Variants in RNMT observed in about 807,000 individuals in gnomAD.
RNMT encodes RNA guanine-7 methyltransferase.
In RNMT, 27 loss-of-function variants were observed where a neutral mutation model predicts 56.0. That is an observed-to-expected ratio of 0.48 (90% CI 0.36 to 0.67). The LOEUF is 0.67. Ranked by LOEUF, RNMT falls within the 30% of genes least tolerant of loss-of-function variation. RNMT has a pLI of 0.00. For missense variants in RNMT, 519 were observed against 552.1 expected (o/e 0.94, Z 0.60); for synonymous variants, 184 against 176.2 (o/e 1.04, Z -0.35).
Position 13,761,023 on chromosome 18 carries a change from G to C in RNMT, c.*1044G>C, listed in dbSNP as rs938922591. 3.5e-5 allele frequency: 34 copies of C among 985,224 alleles called. No individual in the cohort carries two copies. In the Admixed American group the frequency reaches 1.9e-3, roughly 55 times the overall value. 61.0% of individuals were successfully genotyped at this position (985,224 alleles called of 1,614,324 possible). A position where few individuals can be genotyped will look rare whatever the true frequency, so the allele number is the denominator to read the frequency against. On this transcript the variant is annotated 3_prime_UTR_variant, in exon 12 of 12. Coordinates refer to ENST00000383314, the MANE Select transcript of RNMT (RefSeq NM_003799.3). ...ACCAGTTTTTAGATGTAGATGTAGT[G>C]AAAAACTTCAAGAATGAAGCAGAGC...
chr18:13,755,852 G>T (rs1287020499), intron 11 of RNMT, among the ~76,000 whole-genome samples: 1 of 152,172 alleles, frequency 6.6e-6, no homozygotes, highest in African/African-American at 2.4e-5. Context: ...CTGTGGCTTA[G>T]AACTGTATTT....
chr18:13,727,248 C>A (rs1371852312), intron 1 of RNMT, among the ~76,000 whole-genome samples: 2 of 152,192 alleles, frequency 1.3e-5, no homozygotes, highest in Non-Finnish European at 2.9e-5. Context: ...CTCGCTCGTA[C>A]CCTGAGGAGC....
At chr18:13,754,773 A>G (rs1178193496) in intron 11 of RNMT, among the ~76,000 whole-genome samples, 1 of 152,236 alleles carries the variant, frequency 6.6e-6, no homozygotes, top group Non-Finnish European at 1.5e-5. Context: ...TTTGGCTTAT[A>G]GAATACTTGC....
chr18:13,738,833 G>A (rs771875636), intron 5 of RNMT, among the ~76,000 whole-genome samples: 2 of 152,102 alleles, frequency 1.3e-5, no homozygotes, highest in African/African-American at 2.4e-5. Flanking sequence ...TTAAATTAGC[G>A]ATCCCTAACC....
Position 13,762,590 on chromosome 18 carries a change from C to T in RNMT, c.*2611C>T. On this transcript the variant is annotated 3_prime_UTR_variant, in exon 12 of 12. Transcript: ENST00000383314. ...AAATGACTGAAAGGTAGATTGCCAGCACAGTGAGTTTCCCAGCCTGCTCCC... is the reference window on the plus strand; with the variant it reads ...AAATGACTGAAAGGTAGATTGCCAGTACAGTGAGTTTCCCAGCCTGCTCCC... The T allele has an allele frequency of 5.1e-6, 1 of 194,720 alleles. No individual in the cohort carries two copies. The highest frequency in any genetic ancestry group is 1.1e-5 in the Non-Finnish European group (1 of 93,888). 12.1% of individuals were successfully genotyped at this position (194,720 alleles called of 1,614,324 possible). A position where few individuals can be genotyped will look rare whatever the true frequency, so the allele number is the denominator to read the frequency against.
Position 13,761,864 on chromosome 18 carries a change from A to G in RNMT, c.*1885A>G, listed in dbSNP as rs1197917160. 5.7e-6 allele frequency: 5 copies of G among 872,892 alleles called. No individual in the cohort carries two copies. The highest frequency in any genetic ancestry group is 2.0e-5 in the African/African-American group (1 of 49,162). The allele number at this position is 872,892 out of a possible 1,614,324, so 54.1% of individuals were successfully genotyped here. A position where few individuals can be genotyped will look rare whatever the true frequency, so the allele number is the denominator to read the frequency against. ...CTACACCCCCCTCCCCCCGGCCCCA[A>G]GCCCCTGTGTCTCCTTGTTACAATT... On this transcript the variant is annotated 3_prime_UTR_variant, in exon 12 of 12. Transcript: ENST00000383314.
In RNMT at chr18:13,762,305, A is replaced by G. The variant is rs2044630576; in HGVS notation, c.*2326A>G. On this transcript the variant is annotated 3_prime_UTR_variant, in exon 12 of 12. Coordinates refer to ENST00000383314, the MANE Select transcript of RNMT (RefSeq NM_003799.3). ...ATTCTTTGGGCCTAGAATATACTTG[A>G]GAAAGCACTAGTGGCTTGTGTTCAG... The G allele has an allele frequency of 5.4e-6, 5 of 934,536 alleles. No homozygotes were observed. The highest frequency in any genetic ancestry group is 7.8e-6 in the Non-Finnish European group (5 of 643,240). The allele number at this position is 934,536 out of a possible 1,614,324, so 57.9% of individuals were successfully genotyped here. A position where few individuals can be genotyped will look rare whatever the true frequency, so the allele number is the denominator to read the frequency against.
intron 1 of RNMT, among the ~76,000 whole-genome samples, chr18:13,728,884 C>T (rs1243402772): frequency 8.6e-5 from 13 of 151,978 alleles, no homozygotes; most frequent in Non-Finnish European, 1.5e-4. Context: ...TTGTGAATCC[C>T]GTCAGATGAA....
intron 6 of RNMT, 142 bp downstream of exon 6, chr18:13,740,421 G>C (rs1401457216): frequency 3.5e-6 from 2 of 576,736 alleles, no homozygotes; most frequent in Non-Finnish European, 6.1e-6. Context: ...TGTCACCTAG[G>C]CTGGAGCACA....
At chr18:13,755,137 GGTAAA>G (rs1464609557) in intron 11 of RNMT, among the ~76,000 whole-genome samples, 19 of 152,134 alleles carry the variant, frequency 1.2e-4, no homozygotes, top group African/African-American at 9.7e-5. Flanking sequence ...TTCTGTGAAA[GGTAAA>G]GTAAAATAAA....
At chr18:13,728,363 CCTTGCTCTGTCGCCCAGGCCGGAGT>C (rs1311126555) in intron 1 of RNMT, among the ~76,000 whole-genome samples, 5 of 118,822 alleles carry the variant, frequency 4.2e-5, no homozygotes, top group African/African-American at 1.7e-4. Flanking sequence ...TGTGACGGAG[CCTTGCTCTGTCGCCCAGGCCGGAGT>C]GCAGTGGCTT....
intron 10 of RNMT, among the ~76,000 whole-genome samples, chr18:13,752,876 C>T (rs1158188335): frequency 1.3e-5 from 2 of 152,208 alleles, no homozygotes; most frequent in African/African-American, 2.4e-5. Context: ...GTAGAAGTTA[C>T]AGATATTTTC....
intron 11 of RNMT, among the ~76,000 whole-genome samples, chr18:13,754,888 A>G (rs761946381): frequency 1.2e-4 from 18 of 152,200 alleles, no homozygotes; most frequent in Admixed American, 3.3e-4. Flanking sequence ...GGTGTGCATG[A>G]TAGGGGACAA....
rs533284511 is a variant in RNMT at position 13,752,360 on chromosome 18, C to T, written c.1292C>T (p.Ser431Phe). 5.1e-5 allele frequency: 83 copies of T among 1,613,092 alleles called. 1 individual carries two copies. The South Asian group carries it at 8.7e-4, about 17-fold the overall frequency. Residue 431 changes from serine to phenylalanine, a missense_variant, in exon 10 of 12, where the codon TCT becomes TTT. Physicochemically the swap from Ser to Phe is radical, Grantham distance 155. Coordinates refer to ENST00000383314, the MANE Select transcript of RNMT (RefSeq NM_003799.3). ...GCAAATGAGAGTTCTAAACTTGTCTCTGAGAAGGTGGATGACTATGAACAT... is the reference window on the plus strand; with the variant it reads ...GCAAATGAGAGTTCTAAACTTGTCTTTGAGAAGGTGGATGACTATGAACAT... The part of the protein sequence containing the change: ...YPANESSKLV[S>F]EKVDDYEHAA...
chr18:13,735,697 A>G (rs941284723), intron 4 of RNMT, among the ~76,000 whole-genome samples: 2 of 152,048 alleles, frequency 1.3e-5, no homozygotes, highest in Non-Finnish European at 2.9e-5. Context: ...TTTCGAGTCC[A>G]TATTTTCCAC....
intron 11 of RNMT, among the ~76,000 whole-genome samples, chr18:13,758,951 G>T (rs987703871): frequency 6.6e-6 from 1 of 151,996 alleles, no homozygotes; most frequent in Non-Finnish European, 1.5e-5. Flanking sequence ...GGAGAGGGAG[G>T]GAGAGAGATG....
intron 11 of RNMT, among the ~76,000 whole-genome samples, chr18:13,756,606 G>A (rs1313391373): frequency 1.3e-5 from 2 of 152,140 alleles, no homozygotes; most frequent in African/African-American, 2.4e-5. Flanking sequence ...CACCCTGCCT[G>A]TTTTCTGTCC....
chr18:13,760,784 A>G lies in RNMT; in HGVS notation c.*805A>G, dbSNP rs751988372. The G allele has an allele frequency of 6.1e-6, 6 of 985,406 alleles. No homozygotes were observed. The highest frequency in any genetic ancestry group is 7.2e-6 in the Non-Finnish European group (6 of 829,910). 61.0% of individuals were successfully genotyped at this position (985,406 alleles called of 1,614,324 possible). A position where few individuals can be genotyped will look rare whatever the true frequency, so the allele number is the denominator to read the frequency against. ...GTAGACATGTTGCACATTTTTTCCA[A>G]ATTTATACATGGAACTGCAGTAGGA... On this transcript the variant is annotated 3_prime_UTR_variant, in exon 12 of 12. Transcript: ENST00000383314.
intron 9 of RNMT, among the ~76,000 whole-genome samples, chr18:13,747,032 G>A (rs1289959549): frequency 6.6e-6 from 1 of 152,110 alleles, no homozygotes; most frequent in Non-Finnish European, 1.5e-5. Context: ...TGTTTGGTTG[G>A]ACAGACCTAA....
Sources: gnomAD v4.1 joint callset for allele counts (sites outside exome capture counted in the v4.1 genomes callset) on GRCh38, gnomAD v4.1.1 for gene constraint, MANE v1.5 for transcripts, NCBI Gene and HGNC (gene_info 2026-07-23, HGNC 2026-07-21) for gene names.